Variants in CCDC149 observed in about 807,000 individuals in gnomAD.
The protein encoded by CCDC149 is coiled-coil domain-containing protein 149.
CCDC149 carries 45 observed loss-of-function variants against 59.9 expected under a neutral mutation model. The ratio of observed to expected loss-of-function variants is 0.75; its 90% CI spans 0.59 to 0.96. The LOEUF is 0.96. Among genes scored for constraint, CCDC149 ranks in the 40% least tolerant of loss-of-function variants. The probability of loss-of-function intolerance (pLI) is 0.00; values close to 1 mark genes in which losing one functional copy is unlikely to be tolerated. For synonymous variants in CCDC149, 245 were observed against 260.6 expected, an observed-to-expected ratio of 0.94 and a Z score of 0.58; for missense variants, 584 against 664.7, an observed-to-expected ratio of 0.88 and a Z score of 1.33.
chr4:24,943,307 C>T lies in CCDC149; in HGVS notation c.-65+36762G>A, dbSNP rs1320109645. Reference sequence around the variant, plus strand: ...CCTTGACAAACCTGAGAAAAACAAGCAATGGGGAAAGGATTCCCTATTTAA... The same window carrying T: ...CCTTGACAAACCTGAGAAAAACAAGTAATGGGGAAAGGATTCCCTATTTAA... On this transcript the variant is annotated intron_variant, in intron 1 of 12. Transcript: ENST00000389609. Among the ~76,000 whole-genome samples the T allele has an allele frequency of 3.9e-5, 6 of 152,024 alleles. No individual in the cohort carries two copies. The East Asian group carries it at 1.2e-3, about 29-fold the overall frequency.
intron 1 of CCDC149, among the ~76,000 whole-genome samples, chr4:24,959,491 C>T (rs1168265678): frequency 7.1e-6 from 1 of 140,426 alleles, no homozygotes; most frequent in African/African-American, 2.9e-5. Context: ...GGAAGCAGCA[C>T]AGAAAAAAAA....
intron 1 of CCDC149, among the ~76,000 whole-genome samples, chr4:24,951,423 G>C (rs528832912): frequency 2.6e-5 from 4 of 152,248 alleles, no homozygotes; most frequent in African/African-American, 9.6e-5. Context: ...AACTTCAAAA[G>C]AGCAGAGCAC....
intron 1 of CCDC149, 122 bp from the exon 2 acceptor site, chr4:24,876,819 C>A (rs1719470111): frequency 3.2e-6 from 3 of 935,416 alleles, no homozygotes; most frequent in South Asian, 3.6e-5. Context: ...AGCTCATGTG[C>A]CGAGAGAGAC....
At chr4:24,921,869 T>C (rs528373452) in intron 1 of CCDC149, among the ~76,000 whole-genome samples, 1 of 152,302 alleles carries the variant, frequency 6.6e-6, no homozygotes, top group African/African-American at 2.4e-5. Flanking sequence ...GCTCTTGTGC[T>C]GCGTTACAGT....
chr4:24,833,633 T>C (rs1716311302), intron 8 of CCDC149, among the ~76,000 whole-genome samples: 1 of 152,060 alleles, frequency 6.6e-6, no homozygotes. Context: ...AAAAAAAAGA[T>C]ATAGAATTAT....
At chr4:24,951,312 A>AG (rs1723284748) in intron 1 of CCDC149, among the ~76,000 whole-genome samples, 1 of 152,244 alleles carries the variant, frequency 6.6e-6, no homozygotes, top group African/African-American at 2.4e-5. Context: ...TTTAAACTTC[A>AG]GGGTGGACAG....
At chr4:24,961,286 C>T (rs562145676) in intron 1 of CCDC149, among the ~76,000 whole-genome samples, 4 of 152,116 alleles carry the variant, frequency 2.6e-5, no homozygotes, top group African/African-American at 9.7e-5. Flanking sequence ...CCAACCAGAA[C>T]CACAAATGGA....
At chr4:24,905,431 G>T (rs1286141629) in intron 1 of CCDC149, among the ~76,000 whole-genome samples, 4 of 150,874 alleles carry the variant, frequency 2.7e-5, no homozygotes. Flanking sequence ...GTGTGTGTGT[G>T]TGTGTGTGTG....
At position 24,808,816 on chromosome 4, in the gene CCDC149, T is replaced by C. The variant is rs1321275919; in HGVS notation, c.1196A>G (p.Glu399Gly). The C allele has an allele frequency of 9.1e-6, 14 of 1,545,764 alleles. No homozygotes were observed. The highest frequency in any genetic ancestry group is 7.9e-6 in the Non-Finnish European group (9 of 1,144,652). The change falls in exon 13 of 13, where the codon GAG (glutamate) becomes GGG (glycine). Residue 399 changes from glutamate (E) to glycine (G), a missense_variant. Physicochemically the swap from Glu to Gly is moderately conservative, Grantham distance 98. Coordinates refer to ENST00000635206, the MANE Select transcript of CCDC149 (RefSeq NM_001330643.2). ...TTCATCTTCTTCTTGCTTCTGAGCC[T>C]CCCCTGAAAACAGAACGAGGACAAC...
chr4:24,804,001 T>C (rs748325574), downstream of CCDC149, among the ~76,000 whole-genome samples: 1 of 152,172 alleles, frequency 6.6e-6, no homozygotes, highest in Non-Finnish European at 1.5e-5. Flanking sequence ...ATCTCTCTGA[T>C]CTACAAATTT....
chr4:24,864,078 C>T (rs1046584849), intron 3 of CCDC149, among the ~76,000 whole-genome samples: 16 of 152,344 alleles, frequency 1.1e-4, no homozygotes, highest in African/African-American at 3.8e-4. Context: ...GACCGATTAT[C>T]TATTTCTAAC....
intron 1 of CCDC149, among the ~76,000 whole-genome samples, chr4:24,900,430 T>C: frequency 6.6e-6 from 1 of 152,074 alleles, no homozygotes; most frequent in Admixed American, 6.5e-5. Flanking sequence ...TTTCCCTAAA[T>C]GAGGATGTGA....
intron 1 of CCDC149, among the ~76,000 whole-genome samples, chr4:24,883,593 T>C (rs1364838552): frequency 2.0e-5 from 3 of 152,224 alleles, no homozygotes; most frequent in Admixed American, 6.5e-5. Flanking sequence ...TTCTCTGGAA[T>C]TGAGTCACAG....
At position 24,839,055 on chromosome 4, in the gene CCDC149, CACACACAG is replaced by C. The variant is rs71187190; in HGVS notation, c.373-791_373-784del. Among the ~76,000 whole-genome samples, 281 of 143,450 alleles carry C rather than the reference CACACACAG, an allele frequency of 2.0e-3. 1 individual carries two copies. The highest frequency in any genetic ancestry group is 0.011 in the Admixed American group (162 of 14,222). 94.1% of individuals were successfully genotyped at this position (143,450 alleles called of 152,430 possible). On this transcript the variant is annotated intron_variant, in intron 4 of 12. Coordinates refer to ENST00000635206, the MANE Select transcript of CCDC149 (RefSeq NM_001330643.2). ...ACACACACACACACACACACACACA[CACACACAG>C]AGAGAGAGAGAGAAAGAGAGAGAGA...
intron 1 of CCDC149, among the ~76,000 whole-genome samples, chr4:24,903,024 C>CAAAAAA (rs10646050): frequency 0.11 from 5,814 of 51,956 alleles, 908 homozygotes; most frequent in East Asian, 0.14. Flanking sequence ...GAGTCTAACT[C>CAAAAAA]AAAAAAAAAA....
At position 24,821,089 on chromosome 4, in the gene CCDC149, T is replaced by C; in HGVS notation, c.1043-2A>G. ...CTACTGAAACATTGTAGCTCAGGCC[T>C]TCAGGCAGCAAAAAGAAAAAAAGGA... On this transcript the variant is annotated splice_acceptor_variant, in intron 10 of 12. Transcript: ENST00000635206. LOFTEE classifies it high-confidence loss of function. The C allele has an allele frequency of 2.4e-6, 3 of 1,231,136 alleles. No individual in the cohort carries two copies. In the African/African-American group the frequency reaches 4.6e-5, roughly 19 times the overall value. 76.3% of individuals were successfully genotyped at this position (1,231,136 alleles called of 1,614,324 possible).
At chr4:24,956,390 C>CTT (rs5856872) in intron 1 of CCDC149, among the ~76,000 whole-genome samples, 26,771 of 152,042 alleles carry the variant, frequency 0.18, 3,164 homozygotes, top group African/African-American at 0.32. Flanking sequence ...CCTTCTGACT[C>CTT]TTCTCCAGCC....
At chr4:24,836,716 C>A (rs1716553010) in intron 6 of CCDC149, among the ~76,000 whole-genome samples, 1 of 152,194 alleles carries the variant, frequency 6.6e-6, no homozygotes, top group Non-Finnish European at 1.5e-5. Flanking sequence ...GCCCAAATCA[C>A]AGACAACCCA....
At chr4:24,829,076 A>G (rs1715955011) in intron 9 of CCDC149, 1 of 152,442 alleles carries the variant, frequency 6.6e-6, no homozygotes, top group Non-Finnish European at 1.5e-5. Context: ...TGCTTTGCAG[A>G]GAAGGCTAGT....
Sources: gnomAD v4.1 joint callset for allele counts (sites outside exome capture counted in the v4.1 genomes callset) on GRCh38, gnomAD v4.1.1 for gene constraint, MANE v1.5 for transcripts, NCBI Gene and HGNC (gene_info 2026-07-23, HGNC 2026-07-21) for gene names.